The following ARRB1 variants were observed in gnomAD, a reference collection of about 807,000 sequenced individuals.
The protein encoded by ARRB1 is beta-arrestin-1.
In ARRB1, 21 loss-of-function variants were observed where a neutral mutation model predicts 56.8. The ratio of observed to expected loss-of-function variants is 0.37; its 90% CI spans 0.26 to 0.53. The LOEUF (loss-of-function observed/expected upper bound fraction) is 0.53. Among genes scored for constraint, ARRB1 ranks in the 20% least tolerant of loss-of-function variants. The pLI is 0.88. For missense variants in ARRB1, 424 were observed against 553.7 expected, an observed-to-expected ratio of 0.77 and a Z score of 2.35; for synonymous variants, 210 against 218.6, an observed-to-expected ratio of 0.96 and a Z score of 0.35.
chr11:75,289,519 C>T (rs901702474), intron 2 of ARRB1, among the ~76,000 whole-genome samples: 3 of 152,186 alleles, frequency 2.0e-5, no homozygotes, highest in African/African-American at 7.2e-5. Context: ...GCCGGCTCAG[C>T]CCAGACCTGG....
At position 75,261,180 on chromosome 11, in the gene ARRB1, ACGTG is replaced by A. The variant is rs1945779576; in HGVS notation, c.*4979_*4982del. The A allele has an allele frequency of 9.3e-6, 1 of 107,090 alleles. No individual in the cohort carries two copies. Among genetic ancestry groups the A allele is most frequent in the African/African-American group, 3.6e-5 (1 of 27,640 alleles). 6.6% of individuals were successfully genotyped at this position (107,090 alleles called of 1,614,324 possible). A position where few individuals can be genotyped will look rare whatever the true frequency, so the allele number is the denominator to read the frequency against. On this transcript the variant is annotated 3_prime_UTR_variant, in exon 16 of 16. Coordinates refer to ENST00000420843, the MANE Select transcript of ARRB1 (RefSeq NM_004041.5). Reference sequence around the variant, plus strand: ...TGGCTAGAAAAACCATCAACTATGTACGTGTGTGTGTGTGTGTGTGTGTGTGTGT... The same window carrying A: ...TGGCTAGAAAAACCATCAACTATGTATGTGTGTGTGTGTGTGTGTGTGTGT...
intron 1 of ARRB1, among the ~76,000 whole-genome samples, chr11:75,299,986 C>A (rs7113394): frequency 0.013 from 1,940 of 152,144 alleles, 34 homozygotes; most frequent in African/African-American, 0.042. Flanking sequence ...GGGGGCAGAT[C>A]ACGAGGTCAG....
chr11:75,332,503 TCGTCTCCAC>T (rs1947537352), intron 1 of ARRB1, among the ~76,000 whole-genome samples: 3 of 152,230 alleles, frequency 2.0e-5, no homozygotes, highest in Admixed American at 6.5e-5. Flanking sequence ...AAAAGAACTT[TCGTCTCCAC>T]AATCTTTTAT....
At chr11:75,325,827 G>A (rs963059659) in intron 1 of ARRB1, among the ~76,000 whole-genome samples, 3 of 152,138 alleles carry the variant, frequency 2.0e-5, no homozygotes, top group Non-Finnish European at 4.4e-5. Flanking sequence ...AACCTTGTGC[G>A]TAAAGGGACC....
At chr11:75,267,773 A>C in intron 14 of ARRB1, 70 bp from the exon 15 acceptor site, 2 of 1,366,792 alleles carry the variant, frequency 1.5e-6, no homozygotes, top group Non-Finnish European at 2.1e-6. Context: ...GAGTAAGCAC[A>C]GGCCCCCACC....
In ARRB1 at chr11:75,281,088, TCTC is replaced by T. The variant is rs759500119; in HGVS notation, c.466_468del (p.Glu156del). 4.4e-6 allele frequency: 7 copies of T among 1,602,828 alleles called. No individual in the cohort carries two copies. The highest frequency in any genetic ancestry group is 2.2e-5 in the East Asian group (1 of 44,732). ...CATCCTACTCACCGCTTGTGGATCT[TCTC>T]CTCCAAATTCTCCGCGCAGAAGGCT... On this transcript the variant is annotated inframe_deletion, in exon 7 of 16. Coordinates refer to ENST00000420843, the MANE Select transcript of ARRB1 (RefSeq NM_004041.5).
chr11:75,309,220 C>G (rs1485759775), intron 1 of ARRB1, among the ~76,000 whole-genome samples: 1 of 152,232 alleles, frequency 6.6e-6, no homozygotes, highest in Non-Finnish European at 1.5e-5. Flanking sequence ...GGGCCTGACC[C>G]CACATTGCAG....
intron 1 of ARRB1, among the ~76,000 whole-genome samples, chr11:75,332,338 T>G (rs1288299871): frequency 6.6e-6 from 1 of 152,176 alleles, no homozygotes; most frequent in Non-Finnish European, 1.5e-5. Context: ...CCATCCTTAG[T>G]GGGGGAAAAT....
At chr11:75,266,413 G>A (rs1215981388) in intron 15 of ARRB1, 139 bp from the exon 16 acceptor site, 6 of 680,282 alleles carry the variant, frequency 8.8e-6, no homozygotes, top group African/African-American at 5.3e-5. Flanking sequence ...TCTGGCCTCT[G>A]GGGCTGACCA....
chr11:75,274,133 C>T lies in ARRB1; in HGVS notation c.855G>A (p.Arg285=), dbSNP rs1946138698. 1 of 1,614,198 alleles carries T rather than the reference C, an allele frequency of 6.2e-7. No homozygotes were observed. Among genetic ancestry groups the T allele is most frequent in the Admixed American group, 1.7e-5 (1 of 60,032 alleles). The part of the protein sequence containing the change: ...TPFLANNREK[R]GLALDGKLKH... The stretch of plus-strand genomic sequence containing the variant: ...TGAGCTTCCCGTCCAAGGCGAGGCC[C>T]CGCTTCTCTCGGTTATTGGCTAGGA... The change falls in exon 11 of 16, where the codon CGG becomes CGA. Residue 285 remains arginine, a synonymous_variant. Coordinates refer to ENST00000420843, the MANE Select transcript of ARRB1 (RefSeq NM_004041.5).
intron 1 of ARRB1, among the ~76,000 whole-genome samples, chr11:75,301,491 A>G (rs506233): frequency 0.48 from 73,187 of 152,064 alleles, 18,804 homozygotes; most frequent in African/African-American, 0.68. Flanking sequence ...GGAGCCATGC[A>G]CATTTGAGGG....
At chr11:75,325,943 T>C (rs1947426660) in intron 1 of ARRB1, among the ~76,000 whole-genome samples, 1 of 152,116 alleles carries the variant, frequency 6.6e-6, no homozygotes, top group Non-Finnish European at 1.5e-5. Flanking sequence ...CTCAGAGGCT[T>C]GGAGGTTAGA....
In ARRB1 at chr11:75,306,769, T is replaced by G. The variant is rs1173063517; in HGVS notation, c.21-16730A>C. The G allele has an allele frequency of 3.2e-6, 3 of 923,904 alleles. No homozygotes were observed. In the Admixed American group the frequency reaches 1.1e-4, roughly 34 times the overall value. 57.2% of individuals were successfully genotyped at this position (923,904 alleles called of 1,614,324 possible). A position where few individuals can be genotyped will look rare whatever the true frequency, so the allele number is the denominator to read the frequency against. On this transcript the variant is annotated intron_variant, in intron 1 of 15. Coordinates refer to ENST00000420843, the MANE Select transcript of ARRB1 (RefSeq NM_004041.5). ...GAAAAGGCGTTCCTGATACGCGTCC[T>G]GTTTCCTCTCCTCCTCCGGGCTTCT...
chr11:75,275,114 T>C (rs1167965992), intron 10 of ARRB1, among the ~76,000 whole-genome samples: 1 of 146,166 alleles, frequency 6.8e-6, no homozygotes, highest in East Asian at 2.0e-4. Context: ...CTAAACAAAT[T>C]TAATTTAAAT....
chr11:75,271,794 A>C, intron 12 of ARRB1, 70 bp from the exon 13 acceptor site: 3 of 1,492,874 alleles, frequency 2.0e-6, no homozygotes, highest in Non-Finnish European at 1.8e-6. Context: ...CAAAAAGCAC[A>C]TTCATTCACC....
chr11:75,287,816 G>A (rs1253210575), intron 2 of ARRB1, among the ~76,000 whole-genome samples: 1 of 152,224 alleles, frequency 6.6e-6, no homozygotes, highest in Non-Finnish European at 1.5e-5. Context: ...CTTCTCCCAT[G>A]CAGCCAGGCG....
chr11:75,281,505 G>T (rs1175610114), intron 6 of ARRB1: 6 of 341,852 alleles, frequency 1.8e-5, no homozygotes, highest in Non-Finnish European at 3.2e-5. Flanking sequence ...TGGCTTATCC[G>T]GTATTCCTCT....
chr11:75,268,123 T>C (rs1026524779), intron 14 of ARRB1, among the ~76,000 whole-genome samples: 2 of 152,066 alleles, frequency 1.3e-5, no homozygotes, highest in African/African-American at 4.8e-5. Context: ...ACCATGGAAG[T>C]TTTTTCCTAA....
At chr11:75,350,740 T>A (rs955377909) in intron 1 of ARRB1, among the ~76,000 whole-genome samples, 1 of 152,180 alleles carries the variant, frequency 6.6e-6, no homozygotes, top group Non-Finnish European at 1.5e-5. Context: ...ACAGAGTAGA[T>A]GGATGGGATC....
Sources: allele counts gnomAD v4.1 joint callset (sites outside exome capture counted in the v4.1 genomes callset), GRCh38; gene constraint gnomAD v4.1.1; transcripts MANE v1.5; gene names NCBI Gene and HGNC (gene_info 2026-07-23, HGNC 2026-07-21).